Variants in ADAMTS19 observed in about 807,000 individuals in gnomAD.
ADAMTS19 encodes A disintegrin and metalloproteinase with thrombospondin motifs 19.
In ADAMTS19, 93 loss-of-function variants were observed where a neutral mutation model predicts 153.3. The ratio of observed to expected loss-of-function variants is 0.61; its 90% CI spans 0.51 to 0.72. The LOEUF (loss-of-function observed/expected upper bound fraction) is 0.72, where lower values mean the gene tolerates loss of function less well. Among genes scored for constraint, ADAMTS19 ranks in the 30% least tolerant of loss-of-function variants. ADAMTS19 has a pLI of 0.00. For missense variants in ADAMTS19, 1,482 were observed against 1,552.1 expected (o/e 0.95, Z 0.76); for synonymous variants, 600 against 556.6 (o/e 1.08, Z -1.10).
intron 16 of ADAMTS19, among the ~76,000 whole-genome samples, chr5:129,679,444 G>C (rs1754700346): frequency 6.6e-6 from 1 of 152,116 alleles, no homozygotes; most frequent in Admixed American, 6.5e-5. Flanking sequence ...GATACACATA[G>C]CCTGAATATA....
intron 7 of ADAMTS19, among the ~76,000 whole-genome samples, chr5:129,581,584 T>C (rs1749518098): frequency 6.6e-6 from 1 of 152,130 alleles, no homozygotes; most frequent in Non-Finnish European, 1.5e-5. Context: ...TGAAGGGTTT[T>C]TCGTGTCTCT....
chr5:129,553,478 T>G (rs2126826831), intron 7 of ADAMTS19, among the ~76,000 whole-genome samples: 1 of 152,324 alleles, frequency 6.6e-6, no homozygotes, highest in East Asian at 1.9e-4. Flanking sequence ...AATCAGAGTA[T>G]GTAAGATTTG....
intron 8 of ADAMTS19, among the ~76,000 whole-genome samples, chr5:129,606,849 G>C (rs549903710): frequency 6.6e-6 from 1 of 152,244 alleles, no homozygotes; most frequent in Non-Finnish European, 1.5e-5. Context: ...CACAACAAAT[G>C]TTATCACTTT....
chr5:129,632,664 A>G (rs1316139624), intron 10 of ADAMTS19, among the ~76,000 whole-genome samples: 2 of 151,990 alleles, frequency 1.3e-5, no homozygotes, highest in African/African-American at 4.8e-5. Flanking sequence ...CACTAGATAT[A>G]AAATTATAGG....
chr5:129,546,954 T>C (rs1752883360), intron 6 of ADAMTS19, among the ~76,000 whole-genome samples: 1 of 151,090 alleles, frequency 6.6e-6, no homozygotes, highest in Non-Finnish European at 1.5e-5. Flanking sequence ...AAGAATGTTA[T>C]ATTCTTGCCT....
At chr5:129,532,332 G>A (rs1395975900) in intron 6 of ADAMTS19, among the ~76,000 whole-genome samples, 2 of 152,018 alleles carry the variant, frequency 1.3e-5, no homozygotes, top group Non-Finnish European at 2.9e-5. Flanking sequence ...AAAATAAGAA[G>A]AAGAAATATG....
chr5:129,655,847 G>T (rs934311256), intron 14 of ADAMTS19, among the ~76,000 whole-genome samples: 1 of 152,068 alleles, frequency 6.6e-6, no homozygotes, highest in Non-Finnish European at 1.5e-5. Flanking sequence ...AAAACCATTG[G>T]CATAAGAAGC....
At chr5:129,657,679 T>C (rs980300509) in intron 14 of ADAMTS19, among the ~76,000 whole-genome samples, 1 of 152,226 alleles carries the variant, frequency 6.6e-6, no homozygotes, top group African/African-American at 2.4e-5. Flanking sequence ...TTACTCACAT[T>C]CATGTGCTAG....
At position 129,547,936 on chromosome 5, in the gene ADAMTS19, A is replaced by G. The variant is rs1321390619; in HGVS notation, c.1329-3928A>G. Among the ~76,000 whole-genome samples the G allele has an allele frequency of 6.0e-5, 9 of 151,014 alleles. No individual in the cohort carries two copies. In the East Asian group the frequency reaches 1.2e-3, roughly 19 times the overall value. Reference sequence around the variant, plus strand: ...ACAAGCAATGGGGAAAGGATTTCCTATTTAATAAATGGTGCTGGGAAAACT... The same window carrying G: ...ACAAGCAATGGGGAAAGGATTTCCTGTTTAATAAATGGTGCTGGGAAAACT... On this transcript the variant is annotated intron_variant, in intron 6 of 22. Coordinates refer to ENST00000274487, the MANE Select transcript of ADAMTS19 (RefSeq NM_133638.6).
chr5:129,474,389 G>A (rs1005626001), intron 2 of ADAMTS19, among the ~76,000 whole-genome samples: 2 of 150,744 alleles, frequency 1.3e-5, no homozygotes, highest in Non-Finnish European at 3.0e-5. Flanking sequence ...TTGTGTAGAT[G>A]GGTATTTTCA....
At chr5:129,596,165 T>C (rs1750366336) in intron 7 of ADAMTS19, among the ~76,000 whole-genome samples, 1 of 152,074 alleles carries the variant, frequency 6.6e-6, no homozygotes, top group African/African-American at 2.4e-5. Flanking sequence ...TTGCATTAAT[T>C]TTTTTGAAAC....
chr5:129,604,974 C>A (rs570045248), intron 8 of ADAMTS19, among the ~76,000 whole-genome samples: 69 of 152,258 alleles, frequency 4.5e-4, no homozygotes, highest in African/African-American at 1.6e-3. Flanking sequence ...TGAGTGTTCT[C>A]TGTTTCTCAT....
At chr5:129,717,036 C>A (rs893468521) in intron 21 of ADAMTS19, among the ~76,000 whole-genome samples, 12 of 152,182 alleles carry the variant, frequency 7.9e-5, no homozygotes, top group Admixed American at 2.0e-4. Context: ...TTTGTTTCTT[C>A]CAACAATCCA....
At chr5:129,641,038 T>C (rs30721) in intron 10 of ADAMTS19, among the ~76,000 whole-genome samples, 63,583 of 151,912 alleles carry the variant, frequency 0.42, 14,795 homozygotes, top group African/African-American at 0.63. Context: ...CATATTTCTG[T>C]ACAATTGTTA....
chr5:129,620,643 C>T lies in ADAMTS19; in HGVS notation c.1504C>T (p.His502Tyr). ...CATGGGCATTAACCATGACAATGAC[C>T]ACCCATCGTGTGCTGATGGTCTTCA... ...HNMGINHDNDHPSCADGLHIM... is the reference protein window; with the variant it reads ...HNMGINHDNDYPSCADGLHIM... Residue 502 changes from histidine (H) to tyrosine (Y), a missense_variant, in exon 9 of 23, where the codon CAC becomes TAC. By Grantham distance (83) the His-to-Tyr change is moderately conservative. This residue lies in a region of ADAMTS19 where 866 missense variants were observed against 827.7 expected (regional missense o/e 1.05). Coordinates refer to ENST00000274487, the MANE Select transcript of ADAMTS19 (RefSeq NM_133638.6). 6.2e-7 allele frequency: 1 copy of T among 1,605,512 alleles called. No individual in the cohort carries two copies. Among genetic ancestry groups the T allele is most frequent in the Non-Finnish European group, 8.5e-7 (1 of 1,175,308 alleles).
chr5:129,482,444 A>G (rs1223289083), intron 2 of ADAMTS19, among the ~76,000 whole-genome samples: 1 of 152,202 alleles, frequency 6.6e-6, no homozygotes, highest in Non-Finnish European at 1.5e-5. Flanking sequence ...ATAATAGAAG[A>G]TATTTCATGT....
chr5:129,628,833 T>C (rs1752167784), intron 10 of ADAMTS19, among the ~76,000 whole-genome samples: 1 of 152,070 alleles, frequency 6.6e-6, no homozygotes, highest in Non-Finnish European at 1.5e-5. Context: ...GGTTTGTAGC[T>C]TAGAAACAAT....
At chr5:129,608,270 A>G (rs1751025762) in intron 8 of ADAMTS19, among the ~76,000 whole-genome samples, 1 of 151,664 alleles carries the variant, frequency 6.6e-6, no homozygotes, top group South Asian at 2.1e-4. Context: ...GATCTTATTC[A>G]TATGTGGAAT....
In ADAMTS19 at chr5:129,584,732, G is replaced by T. The variant is rs80351260; in HGVS notation, c.1373-11827G>T. On this transcript the variant is annotated intron_variant, in intron 7 of 22. Coordinates refer to ENST00000274487, the MANE Select transcript of ADAMTS19 (RefSeq NM_133638.6). Reference sequence around the variant, plus strand: ...ACCGCCTACTCAAGCCTCATTAATGGTGGATGCCCCTCCCTCCACCAAGCT... The same window carrying T: ...ACCGCCTACTCAAGCCTCATTAATGTTGGATGCCCCTCCCTCCACCAAGCT... Among the ~76,000 whole-genome samples the T allele has an allele frequency of 4.3e-3, 655 of 152,240 alleles. 4 individuals carry two copies. Among genetic ancestry groups the T allele is most frequent in the East Asian group, 0.026 (132 of 5,160 alleles).
Sources: gnomAD v4.1 joint callset for allele counts (sites outside exome capture counted in the v4.1 genomes callset) on GRCh38, gnomAD v4.1.1 for gene constraint, gnomAD v4.1.1 regional missense constraint, MANE v1.5 for transcripts, NCBI Gene and HGNC (gene_info 2026-07-23, HGNC 2026-07-21) for gene names.